IL17RA: variants seen among roughly 807,000 people sequenced by gnomAD.
IL17RA encodes interleukin-17 receptor A.
Under a neutral mutation model 50.4 loss-of-function variants are expected in IL17RA, and 34 were observed. That is an observed-to-expected ratio of 0.67 (90% confidence interval 0.51 to 0.90). IL17RA has a LOEUF of 0.90. Among genes scored for constraint, IL17RA ranks in the 40% least tolerant of loss-of-function variants. The pLI is 0.00. For synonymous variants in IL17RA, 585 were observed against 510.4 expected (o/e 1.15, Z -1.97); for missense variants, 1,276 against 1,169.8 (o/e 1.09, Z -1.32).
Position 17,112,237 on chromosome 22 carries a change from TGATGGGC to T in IL17RA, c.*2418_*2424del, listed in dbSNP as rs2061446266. 1.3e-5 allele frequency: 2 copies of T among 152,258 alleles called. No homozygotes were observed. Among genetic ancestry groups the T allele is most frequent in the African/African-American group, 4.8e-5 (2 of 41,454 alleles). 9.4% of individuals were successfully genotyped at this position (152,258 alleles called of 1,614,324 possible). A position where few individuals can be genotyped will look rare whatever the true frequency, so the allele number is the denominator to read the frequency against. The stretch of plus-strand genomic sequence containing the variant: ...TTTGAGCCCATGCCAGTAAATGTCC[TGATGGGC>T]ATTGCCTACTATCTCCAGGGCAGCT... On this transcript the variant is annotated 3_prime_UTR_variant, in exon 13 of 13. Transcript: ENST00000319363.
intron 1 of IL17RA, among the ~76,000 whole-genome samples, chr22:17,092,109 C>G (rs777409259): frequency 2.6e-5 from 4 of 152,046 alleles, no homozygotes; most frequent in Non-Finnish European, 5.9e-5. Context: ...CTGAAGGCCC[C>G]CTGAAGTTGC....
chr22:17,108,753 G>T lies in IL17RA; in HGVS notation c.1534G>T (p.Asp512Tyr). The change falls in exon 13 of 13, where the codon GAC (aspartate) becomes TAC (tyrosine). Residue 512 changes from aspartate (D) to tyrosine (Y), a missense_variant. By Grantham distance (160) the Asp-to-Tyr change is radical (BLOSUM62 -3). Coordinates refer to ENST00000319363, the MANE Select transcript of IL17RA (RefSeq NM_014339.7). ...CYFSEVSCDGDVPDLFGAAPR... is the reference protein window; with the variant it reads ...CYFSEVSCDGYVPDLFGAAPR... ...CTTCAGCGAGGTCAGCTGTGACGGC[G>T]ACGTCCCCGACCTGTTCGGCGCGGC... is the stretch of plus-strand genomic sequence containing the variant. 1 of 1,611,254 alleles carries T rather than the reference G, an allele frequency of 6.2e-7. No individual in the cohort carries two copies. Among genetic ancestry groups the T allele is most frequent in the South Asian group, 1.1e-5 (1 of 90,822 alleles).
intron 4 of IL17RA, among the ~76,000 whole-genome samples, 179 bp downstream of exon 4, chr22:17,099,066 C>T (rs9606614): frequency 0.032 from 4,890 of 152,250 alleles, 150 homozygotes; most frequent in East Asian, 0.17. Context: ...GTGTGGCCGC[C>T]GTGAGCAATA....
rs995241235 is a variant in IL17RA, at chr22:17,108,927, G to A, written c.1708G>A (p.Ala570Thr). The A allele has an allele frequency of 2.5e-6, 4 of 1,611,294 alleles. No homozygotes were observed. The highest frequency in any genetic ancestry group is 2.7e-5 in the African/African-American group (2 of 74,836). The part of the protein sequence containing the change: ...RSPGGRQLRA[A>T]LDRFRDWQVR... ...CCCGGGCGGCAGGCAGCTCCGCGCC[G>A]CCCTGGACAGGTTCCGGGACTGGCA... The change falls in exon 13 of 13, where the codon GCC (alanine) becomes ACC (threonine). Residue 570 changes from alanine to threonine, a missense_variant. By Grantham distance (58) the Ala-to-Thr change is moderately conservative. Coordinates refer to ENST00000319363, the MANE Select transcript of IL17RA (RefSeq NM_014339.7).
Position 17,094,669 on chromosome 22 carries a change from C to CTA in IL17RA, c.139-2392_139-2391insAT, listed in dbSNP as rs2061360235. ...AGTCATACACACACTCTCTCTCTCT[C>CTA]TCTCTCTCTCTCTCTCTCTCTCTAT... On this transcript the variant is annotated intron_variant, in intron 1 of 12. Transcript: ENST00000319363. 2.9e-4 allele frequency among the ~76,000 whole-genome samples: 7 copies of CTA among 24,234 alleles called. 1 individual carries two copies. Among genetic ancestry groups the CTA allele is most frequent in the Non-Finnish European group, 5.7e-4 (6 of 10,458 alleles). 15.9% of individuals were successfully genotyped at this position (24,234 alleles called of 152,430 possible). A position where few individuals can be genotyped will look rare whatever the true frequency, so the allele number is the denominator to read the frequency against.
rs2061330443 is a variant in IL17RA, at chr22:17,086,991, G to GGC, written c.138+1763_138+1764dup. On this transcript the variant is annotated intron_variant, in intron 1 of 12. Transcript: ENST00000319363. ...TAAGTCAGGAGCAGAAGCACGGCCT[G>GGC]GCTCCAGGGAGGGCTGAAGAGAGAC... Among the ~76,000 whole-genome samples, 11 of 152,188 alleles carry GGC rather than the reference G, an allele frequency of 7.2e-5. No homozygotes were observed. The South Asian group carries it at 2.1e-3, about 29-fold the overall frequency.
At position 17,108,141 on chromosome 22, in the gene IL17RA, G is replaced by A. The variant is rs556350006; in HGVS notation, c.1088-166G>A. Reference sequence around the variant, plus strand: ...ACTGATTTTTTTCAGGCAGCCAAAGGTGGAATAGTAACATCTGGGTTTTTC... The same window carrying A: ...ACTGATTTTTTTCAGGCAGCCAAAGATGGAATAGTAACATCTGGGTTTTTC... On this transcript the variant is annotated intron_variant, in intron 12 of 12. Coordinates refer to ENST00000319363, the MANE Select transcript of IL17RA (RefSeq NM_014339.7). Among the ~76,000 whole-genome samples, 4 of 152,332 alleles carry A rather than the reference G, an allele frequency of 2.6e-5. No homozygotes were observed. The East Asian group carries it at 5.8e-4, about 22-fold the overall frequency.
chr22:17,106,122 C>T (rs1361629452), intron 11 of IL17RA, among the ~76,000 whole-genome samples, 168 bp downstream of exon 11: 11 of 152,244 alleles, frequency 7.2e-5, no homozygotes, highest in Admixed American at 7.2e-4. Flanking sequence ...ATTCTTAGCA[C>T]AGAACCTGGC....
At chr22:17,099,317 A>G (rs924049738) in intron 4 of IL17RA, among the ~76,000 whole-genome samples, 7 of 152,228 alleles carry the variant, frequency 4.6e-5, no homozygotes, top group Admixed American at 1.3e-4. Flanking sequence ...GTAGGTGGGC[A>G]AATGAGCACT....
chr22:17,085,289 C>A, intron 1 of IL17RA, 60 bp downstream of exon 1: 1 of 1,528,018 alleles, frequency 6.5e-7, no homozygotes, highest in African/African-American at 1.4e-5. Flanking sequence ...GGCAAGGTCG[C>A]GGAGGGCCGG....
At position 17,097,946 on chromosome 22, in the gene IL17RA, G is replaced by A. The variant is rs771719685; in HGVS notation, c.310+3G>A. On this transcript the variant is annotated splice_donor_region_variant and intron_variant, in intron 3 of 12. Transcript: ENST00000319363. Reference sequence around the variant, plus strand: ...CGAATGGACACTGCAGACAGACGGTGAGTGGGCATGCCAGCAGGGCCCTGG... The same window carrying A: ...CGAATGGACACTGCAGACAGACGGTAAGTGGGCATGCCAGCAGGGCCCTGG... 2.5e-5 allele frequency: 40 copies of A among 1,613,870 alleles called. No homozygotes were observed. The Middle Eastern group carries it at 6.6e-4, about 27-fold the overall frequency.
At chr22:17,101,333 C>G (rs2061390558) in intron 5 of IL17RA, among the ~76,000 whole-genome samples, 1 of 152,224 alleles carries the variant, frequency 6.6e-6, no homozygotes, top group Admixed American at 6.5e-5. Flanking sequence ...TGTTGACCTT[C>G]TTCATCCTGG....
intron 2 of IL17RA, chr22:17,097,486 A>AT: frequency 1.9e-6 from 1 of 532,832 alleles, no homozygotes; most frequent in South Asian, 2.1e-5. Context: ...ACATATAACA[A>AT]TAAAGCAGCT....
In IL17RA at chr22:17,102,140, C is replaced by T. The variant is rs762431722; in HGVS notation, c.600C>T (p.Gly200=). Residue 200 remains glycine, a splice_region_variant and synonymous_variant, in exon 7 of 13, where the codon GGC becomes GGT. Coordinates refer to ENST00000319363, the MANE Select transcript of IL17RA (RefSeq NM_014339.7). ...AGCCTGCGTGTGTGACCTTGGCAGG[C>T]AGCCTGTGGGACCCCAACATCACCG... ...MKVTTPCMSS[G]SLWDPNITVE... 2 of 1,614,154 alleles carry T rather than the reference C, an allele frequency of 1.2e-6. No homozygotes were observed. The highest frequency in any genetic ancestry group is 2.2e-5 in the East Asian group (1 of 44,880).
chr22:17,100,489 CA>C lies in IL17RA; in HGVS notation c.550+9del. On this transcript the variant is annotated intron_variant, in intron 5 of 12. Transcript: ENST00000319363. The stretch of plus-strand genomic sequence containing the variant: ...AGAATTTCCTTGTGCCTGGTAAGAG[CA>C]TCCTCCCAAGACATTCCCTCCCCAA... 6.2e-7 allele frequency: 1 copy of C among 1,613,834 alleles called. No homozygotes were observed. The highest frequency in any genetic ancestry group is 1.1e-5 in the South Asian group (1 of 91,082).
Position 17,108,500 on chromosome 22 carries a change from C to T in IL17RA, c.1281C>T (p.Thr427=). Reference sequence around the variant, plus strand: ...CCATCTCGGAGGCAGGAGTCATGACCTGGGTGGGCCGTCAGAAGCAGGAGA... The same window carrying T: ...CCATCTCGGAGGCAGGAGTCATGACTTGGGTGGGCCGTCAGAAGCAGGAGA... ...EQAISEAGVM[T]WVGRQKQEMV... is the part of the protein sequence containing the mutation. The change falls in exon 13 of 13, where the codon ACC becomes ACT. Residue 427 remains threonine, a synonymous_variant. Transcript: ENST00000319363. 3 of 1,612,894 alleles carry T rather than the reference C, an allele frequency of 1.9e-6. No individual in the cohort carries two copies. In the Middle Eastern group the frequency reaches 4.9e-4, roughly 266 times the overall value.
At chr22:17,107,190 G>A (rs2061418102) in intron 11 of IL17RA, among the ~76,000 whole-genome samples, 1 of 152,178 alleles carries the variant, frequency 6.6e-6, no homozygotes, top group South Asian at 2.1e-4. Flanking sequence ...GCAGCCTGGT[G>A]GGGCTGCTTC....
rs550116308 is a variant in IL17RA at position 17,108,905 on chromosome 22, G to C, written c.1686G>C (p.Pro562=). 6.2e-7 allele frequency: 1 copy of C among 1,611,496 alleles called. No homozygotes were observed. The highest frequency in any genetic ancestry group is 1.3e-5 in the African/African-American group (1 of 75,044). The change falls in exon 13 of 13, where the codon CCG becomes CCC. Residue 562 remains proline, a synonymous_variant. Transcript: ENST00000319363. The part of the protein sequence containing the change: ...ELSGDNYLRS[P]GGRQLRAALD... ...CGGGGGACAACTACCTGCGGAGCCCGGGCGGCAGGCAGCTCCGCGCCGCCC... is the reference window on the plus strand; with the variant it reads ...CGGGGGACAACTACCTGCGGAGCCCCGGCGGCAGGCAGCTCCGCGCCGCCC...
Position 17,094,671 on chromosome 22 carries a change from C to CTATATATATATATATATGTG in IL17RA, c.139-2390_139-2389insATATATATATATATATGTGT, listed in dbSNP as rs1568917407. Among the ~76,000 whole-genome samples the CTATATATATATATATATGTG allele has an allele frequency of 6.7e-3, 272 of 40,720 alleles. 23 individuals are homozygous for CTATATATATATATATATGTG. The highest frequency in any genetic ancestry group is 9.9e-3 in the Non-Finnish European group (199 of 20,062). The allele number at this position is 40,720 out of a possible 152,430, so 26.7% of individuals were successfully genotyped here. A position where few individuals can be genotyped will look rare whatever the true frequency, so the allele number is the denominator to read the frequency against. ...TCATACACACACTCTCTCTCTCTCTCTCTCTCTCTCTCTCTCTCTCTATAT... is the reference window on the plus strand; with the variant it reads ...TCATACACACACTCTCTCTCTCTCTCTATATATATATATATATGTGTCTCTCTCTCTCTCTCTCTCTATAT... On this transcript the variant is annotated intron_variant, in intron 1 of 12. Transcript: ENST00000319363.
Sources: allele counts gnomAD v4.1 joint callset (sites outside exome capture counted in the v4.1 genomes callset), GRCh38; gene constraint gnomAD v4.1.1; transcripts MANE v1.5; gene names NCBI Gene and HGNC (gene_info 2026-07-23, HGNC 2026-07-21).